TRAF3: variants seen among roughly 807,000 people sequenced by gnomAD.
TRAF3 encodes TNF receptor associated factor 3.
Under a neutral mutation model 62.3 loss-of-function variants are expected in TRAF3, and 13 were observed. The observed-to-expected ratio is 0.21, with a 90% confidence interval of 0.14 to 0.33. The LOEUF (loss-of-function observed/expected upper bound fraction) is 0.33, where lower values mean the gene tolerates loss of function less well. Among genes scored for constraint, TRAF3 ranks in the 10% least tolerant of loss-of-function variants. The pLI is 1.00. For synonymous variants in TRAF3, 269 were observed against 283.4 expected, an observed-to-expected ratio of 0.95 and a Z score of 0.51; for missense variants, 440 against 741.8, an observed-to-expected ratio of 0.59 and a Z score of 4.73.
chr14:102,910,358 GTC>G lies in TRAF3; in HGVS notation c.*4576_*4577del, dbSNP rs1467284944. On this transcript the variant is annotated 3_prime_UTR_variant, in exon 12 of 12. Coordinates refer to ENST00000392745, the MANE Select transcript of TRAF3 (RefSeq NM_145725.3). ...TTTTGTATCTGTGAGGTGAATGAGG[GTC>G]TGTCACCCAAATCTACTTCTCAGCC... The G allele has an allele frequency of 1.3e-5, 2 of 152,292 alleles. No homozygotes were observed. Among genetic ancestry groups the G allele is most frequent in the East Asian group, 3.8e-4 (2 of 5,208 alleles). 9.4% of individuals were successfully genotyped at this position (152,292 alleles called of 1,614,324 possible).
chr14:102,873,148 T>C (rs1438478041), intron 4 of TRAF3, among the ~76,000 whole-genome samples: 1 of 152,220 alleles, frequency 6.6e-6, no homozygotes, highest in Admixed American at 6.5e-5. Context: ...ATTGGGTTTG[T>C]TGGTCAGAGC....
intron 2 of TRAF3, among the ~76,000 whole-genome samples, chr14:102,864,816 G>A (rs889270349): frequency 6.6e-6 from 1 of 152,178 alleles, no homozygotes; most frequent in South Asian, 2.1e-4. Flanking sequence ...CAGTGGTGGG[G>A]AACCTGGGGC....
chr14:102,865,793 A>G (rs2045744946), intron 2 of TRAF3: 1 of 152,182 alleles, frequency 6.6e-6, no homozygotes, highest in Admixed American at 6.5e-5. Context: ...AGCCACTGTG[A>G]CTGGCCTAAT....
At chr14:102,880,318 C>T (rs965185137) in intron 6 of TRAF3, among the ~76,000 whole-genome samples, 8 of 152,092 alleles carry the variant, frequency 5.3e-5, no homozygotes, top group Admixed American at 3.3e-4. Flanking sequence ...ATCTCTAGAA[C>T]GAAAATAATA....
chr14:102,849,872 A>G (rs1345389154), intron 2 of TRAF3, among the ~76,000 whole-genome samples: 1 of 152,212 alleles, frequency 6.6e-6, no homozygotes, highest in Non-Finnish European at 1.5e-5. Context: ...CTTTATTGGC[A>G]TCACTTGGAC....
chr14:102,807,306 CT>C (rs1898831428), intron 1 of TRAF3, among the ~76,000 whole-genome samples: 1 of 152,202 alleles, frequency 6.6e-6, no homozygotes, highest in Non-Finnish European at 1.5e-5. Context: ...ATTGTTCCCC[CT>C]GGACACTGCC....
intron 2 of TRAF3, among the ~76,000 whole-genome samples, chr14:102,866,631 G>T (rs1888007782): frequency 6.6e-6 from 1 of 152,034 alleles, no homozygotes; most frequent in Non-Finnish European, 1.5e-5. Flanking sequence ...ATCATTTGAG[G>T]CCAGGAGTTT....
At chr14:102,847,577 T>C (rs1291311090) in intron 2 of TRAF3, among the ~76,000 whole-genome samples, 1 of 152,234 alleles carries the variant, frequency 6.6e-6, no homozygotes, top group Non-Finnish European at 1.5e-5. Context: ...TAAAGAAGGA[T>C]AAGGTTGGCG....
At chr14:102,859,081 TCA>T (rs1887541105) in intron 2 of TRAF3, among the ~76,000 whole-genome samples, 1 of 152,164 alleles carries the variant, frequency 6.6e-6, no homozygotes, top group Non-Finnish European at 1.5e-5. Context: ...GCCAGTATGT[TCA>T]CACACAGAAT....
At chr14:102,789,337 C>T (rs899867541) in intron 1 of TRAF3, among the ~76,000 whole-genome samples, 14 of 152,146 alleles carry the variant, frequency 9.2e-5, no homozygotes, top group Non-Finnish European at 1.9e-4. Flanking sequence ...GTACAAGTTT[C>T]TGTGTAGGTA....
intron 7 of TRAF3, among the ~76,000 whole-genome samples, chr14:102,888,725 A>G (rs1387622603): frequency 6.6e-6 from 1 of 152,230 alleles, no homozygotes; most frequent in Non-Finnish European, 1.5e-5. Context: ...ACTTCTGCTC[A>G]GTCTTGGGGC....
At chr14:102,892,863 C>G (rs1399867884) in intron 9 of TRAF3, among the ~76,000 whole-genome samples, 1 of 152,222 alleles carries the variant, frequency 6.6e-6, no homozygotes, top group Non-Finnish European at 1.5e-5. Flanking sequence ...CAGAACAGCG[C>G]TGATGAGCAG....
At position 102,885,738 on chromosome 14, in the gene TRAF3, A is replaced by T. The variant is rs76276783; in HGVS notation, c.571-451A>T. Among the ~76,000 whole-genome samples the T allele has an allele frequency of 1.1e-3, 162 of 152,332 alleles. 4 individuals carry two copies. The East Asian group carries it at 0.029, about 28-fold the overall frequency. On this transcript the variant is annotated intron_variant, in intron 6 of 11. Transcript: ENST00000392745. ...CATCATTTCCAGACTCCAAACTAAG[A>T]GGCCAAGGGAAACCCTCCGTCTCTC...
chr14:102,879,123 AGAG>A (rs1458886533), intron 6 of TRAF3, among the ~76,000 whole-genome samples: 1 of 151,418 alleles, frequency 6.6e-6, no homozygotes, highest in Non-Finnish European at 1.5e-5. Context: ...GAGCGAGTGG[AGAG>A]GAGGACAGAG....
chr14:102,811,553 T>G (rs1184007264), intron 1 of TRAF3, among the ~76,000 whole-genome samples: 116 of 145,644 alleles, frequency 8.0e-4, no homozygotes, highest in African/African-American at 2.8e-3. Flanking sequence ...GTAGGCGGTT[T>G]TTTTTTTTTT....
chr14:102,802,664 T>C (rs1383698372), intron 1 of TRAF3, among the ~76,000 whole-genome samples: 3 of 151,272 alleles, frequency 2.0e-5, no homozygotes, highest in Non-Finnish European at 4.4e-5. Flanking sequence ...CCATCTCTAC[T>C]AAAAATACAA....
intron 1 of TRAF3, among the ~76,000 whole-genome samples, chr14:102,813,346 T>C (rs1455093615): frequency 6.6e-6 from 1 of 152,234 alleles, no homozygotes; most frequent in Admixed American, 6.5e-5. Flanking sequence ...TGCATTTCCT[T>C]GATGATTAGT....
rs141995592 is a variant in TRAF3, at chr14:102,836,281, A to T, written c.-18+5809A>T. ...TCTGAAGTCATTTAGCAGCACTGCC[A>T]CTGCTCTAACCTACATTTAAAGATT... On this transcript the variant is annotated intron_variant, in intron 2 of 11. Transcript: ENST00000392745. Among the ~76,000 whole-genome samples the T allele has an allele frequency of 1.7e-3, 261 of 152,354 alleles. 1 individual carries two copies. The highest frequency in any genetic ancestry group is 6.2e-3 in the African/African-American group (256 of 41,596).
At chr14:102,893,242 T>C (rs1889823201) in intron 9 of TRAF3, among the ~76,000 whole-genome samples, 1 of 151,556 alleles carries the variant, frequency 6.6e-6, no homozygotes, top group Non-Finnish European at 1.5e-5. Flanking sequence ...ATACAAAAAT[T>C]ACGCCAGCAT....
Sources: allele counts gnomAD v4.1 joint callset (sites outside exome capture counted in the v4.1 genomes callset), GRCh38; gene constraint gnomAD v4.1.1; transcripts MANE v1.5; gene names NCBI Gene and HGNC (gene_info 2026-07-23, HGNC 2026-07-21).